The following DTWD2 variants were observed in gnomAD, a reference collection of about 807,000 sequenced individuals.
DTWD2 encodes the protein DTW motif tRNA-uridine aminocarboxypropyltransferase 2.
In DTWD2, 39 loss-of-function variants were observed where a neutral mutation model predicts 31.8. The observed-to-expected ratio is 1.22, with a 90% CI of 0.95 to 1.60. The LOEUF is 1.60. Ranked by LOEUF, DTWD2 falls within the 40% of genes most tolerant of loss-of-function variation. DTWD2 has a pLI of 0.00. For synonymous variants in DTWD2, 180 were observed against 142.8 expected, an observed-to-expected ratio of 1.26 and a Z score of -1.86; for missense variants, 515 against 381.5, an observed-to-expected ratio of 1.35 and a Z score of -2.92.
At position 118,944,649 on chromosome 5, in the gene DTWD2, G is replaced by A. The variant is rs1754292843; in HGVS notation, c.219C>T (p.Ser73=). The change falls in exon 2 of 6, where the codon AGC becomes AGT. Residue 73 remains serine, a splice_region_variant and synonymous_variant. Transcript: ENST00000510708. Reference sequence around the variant, plus strand: ...GACACAAACACACTTTCTGAGGCCGGCTAAAGGGTAAAAAGAAAAATAAAA... The same window carrying A: ...GACACAAACACACTTTCTGAGGCCGACTAAAGGGTAAAAAGAAAAATAAAA... The part of the protein sequence containing the change: ...AERRPECTRC[S]RPQKVCLCPF... 1.2e-6 allele frequency: 2 copies of A among 1,610,630 alleles called. No homozygotes were observed. The highest frequency in any genetic ancestry group is 2.2e-5 in the East Asian group (1 of 44,772).
chr5:118,964,656 G>T lies in DTWD2; in HGVS notation c.219-20007C>A, dbSNP rs184459832. ...GGGGTTTCGCTGTGTTGGCCGGGCT[G>T]GTCTCCAGCTCCTAACCACGAATGA... On this transcript the variant is annotated intron_variant, in intron 1 of 5. Coordinates refer to ENST00000510708, the MANE Select transcript of DTWD2 (RefSeq NM_173666.4). Among the ~76,000 whole-genome samples, 22 of 152,350 alleles carry T rather than the reference G, an allele frequency of 1.4e-4. No homozygotes were observed. In the East Asian group the frequency reaches 3.9e-3, roughly 27 times the overall value.
At chr5:118,882,876 C>G (rs182609027) in intron 4 of DTWD2, among the ~76,000 whole-genome samples, 90 of 152,356 alleles carry the variant, frequency 5.9e-4, no homozygotes, top group African/African-American at 2.1e-3. Context: ...GACACTTTCC[C>G]CATTGTCTTG....
chr5:118,984,617 C>T (rs1450276441), intron 1 of DTWD2, among the ~76,000 whole-genome samples: 1 of 152,154 alleles, frequency 6.6e-6, no homozygotes, highest in Admixed American at 6.5e-5. Flanking sequence ...ATAATTCTTA[C>T]AGCTTGTTAC....
At chr5:118,973,013 T>C (rs1755023826) in intron 1 of DTWD2, among the ~76,000 whole-genome samples, 1 of 152,212 alleles carries the variant, frequency 6.6e-6, no homozygotes, top group South Asian at 2.1e-4. Context: ...TTTATCTTTG[T>C]TGGTTTACAG....
intron 4 of DTWD2, among the ~76,000 whole-genome samples, chr5:118,917,972 A>AG (rs1219232603): frequency 1.3e-5 from 2 of 151,882 alleles, no homozygotes; most frequent in African/African-American, 4.8e-5. Context: ...AAAAAAAAAA[A>AG]CCATCCAATT....
chr5:118,983,090 T>G (rs1309748171), intron 1 of DTWD2, among the ~76,000 whole-genome samples: 1 of 152,160 alleles, frequency 6.6e-6, no homozygotes, highest in East Asian at 1.9e-4. Context: ...CCCACCAAAT[T>G]TGAAGACTGA....
chr5:118,842,814 G>A (rs568202875), intron 5 of DTWD2, among the ~76,000 whole-genome samples: 1 of 151,582 alleles, frequency 6.6e-6, no homozygotes, highest in African/African-American at 2.4e-5. Context: ...AGACATGGTG[G>A]TGTGCACCTG....
At chr5:118,973,610 TC>T (rs1755043591) in intron 1 of DTWD2, among the ~76,000 whole-genome samples, 1 of 23,728 alleles carries the variant, frequency 4.2e-5, no homozygotes, top group Admixed American at 6.9e-4. Flanking sequence ...CTCGTCCGCC[TC>T]CTTGCTCGCG....
chr5:118,902,577 A>C (rs2149566354), intron 4 of DTWD2, among the ~76,000 whole-genome samples: 1 of 152,208 alleles, frequency 6.6e-6, no homozygotes, highest in Admixed American at 6.5e-5. Context: ...ATACTTAGAA[A>C]ATATATATGT....
chr5:118,895,078 T>G lies in DTWD2; in HGVS notation c.597+33459A>C, dbSNP rs151139741. On this transcript the variant is annotated intron_variant, in intron 4 of 5. Transcript: ENST00000510708. The stretch of plus-strand genomic sequence containing the variant: ...AGGAAAAAGTCAAGTCAAATTAGCC[T>G]TGTTTGCAGACTACATGTCCTTATA... 4.3e-3 allele frequency among the ~76,000 whole-genome samples: 660 copies of G among 152,272 alleles called. 6 individuals carry two copies. The highest frequency in any genetic ancestry group is 0.015 in the African/African-American group (612 of 41,550).
chr5:118,935,408 G>T (rs1561461782), intron 3 of DTWD2, among the ~76,000 whole-genome samples: 1 of 152,182 alleles, frequency 6.6e-6, no homozygotes, highest in South Asian at 2.1e-4. Context: ...GCAGTCTTGG[G>T]AACTGAGCCC....
At chr5:118,948,303 G>A (rs1754384498) in intron 1 of DTWD2, among the ~76,000 whole-genome samples, 1 of 151,458 alleles carries the variant, frequency 6.6e-6, no homozygotes, top group South Asian at 2.1e-4. Context: ...GTGAAACCCC[G>A]TCTCTACTAA....
chr5:118,982,353 T>G (rs1247136298), intron 1 of DTWD2, among the ~76,000 whole-genome samples: 1 of 152,210 alleles, frequency 6.6e-6, no homozygotes, highest in Non-Finnish European at 1.5e-5. Flanking sequence ...AGCTCTAATG[T>G]GGTTTTTAAA....
chr5:118,872,599 T>G (rs1752530782), intron 4 of DTWD2, among the ~76,000 whole-genome samples: 1 of 152,202 alleles, frequency 6.6e-6, no homozygotes, highest in Non-Finnish European at 1.5e-5. Context: ...TAAGTTTGCC[T>G]TCTTCTATAG....
chr5:118,873,826 T>G (rs2149550849), intron 4 of DTWD2, among the ~76,000 whole-genome samples: 1 of 152,150 alleles, frequency 6.6e-6, no homozygotes, highest in African/African-American at 2.4e-5. Flanking sequence ...CCAAGCCAAC[T>G]CCATCTCAAC....
intron 1 of DTWD2, among the ~76,000 whole-genome samples, chr5:118,950,375 T>C (rs890855978): frequency 1.3e-5 from 2 of 152,002 alleles, no homozygotes; most frequent in African/African-American, 2.4e-5. Context: ...AGTCTCTGTA[T>C]TGATTAAGAA....
rs1301866470 is a variant in DTWD2, at chr5:118,848,068, C to T, written c.726+22G>A. 4.0e-6 allele frequency: 6 copies of T among 1,514,758 alleles called. No individual in the cohort carries two copies. In the South Asian group the frequency reaches 4.1e-5, roughly 10 times the overall value. 93.8% of individuals were successfully genotyped at this position (1,514,758 alleles called of 1,614,324 possible). On this transcript the variant is annotated intron_variant, in intron 5 of 5. Coordinates refer to ENST00000510708, the MANE Select transcript of DTWD2 (RefSeq NM_173666.4). ...CTAAGAAAACTCCCACTTTGAAAAA[C>T]TATAACCTTACAAAGACGTACCTCT... is the stretch of plus-strand genomic sequence containing the variant.
At chr5:118,877,518 G>C (rs1316875171) in intron 4 of DTWD2, among the ~76,000 whole-genome samples, 2 of 151,838 alleles carry the variant, frequency 1.3e-5, no homozygotes, top group Non-Finnish European at 2.9e-5. Context: ...CAAGAAACCA[G>C]TCATTGAAGA....
intron 1 of DTWD2, among the ~76,000 whole-genome samples, chr5:118,978,881 A>G (rs999501070): frequency 1.1e-4 from 16 of 151,946 alleles, no homozygotes; most frequent in Admixed American, 9.2e-4. Flanking sequence ...TGGTGCACAC[A>G]TGTAGTCCCA....
Sources: allele counts gnomAD v4.1 joint callset (sites outside exome capture counted in the v4.1 genomes callset), GRCh38; gene constraint gnomAD v4.1.1; transcripts MANE v1.5; gene names NCBI Gene and HGNC (gene_info 2026-07-23, HGNC 2026-07-21).